GABRR1: variants seen among roughly 807,000 people sequenced by gnomAD.
The protein encoded by GABRR1 is gamma-aminobutyric acid receptor subunit rho-1.
Under a neutral mutation model 55.5 loss-of-function variants are expected in GABRR1, and 59 were observed. The observed-to-expected ratio is 1.06, with a 90% confidence interval of 0.86 to 1.32. GABRR1 has a LOEUF of 1.32. Ranked by LOEUF, GABRR1 falls within the 40% of genes most tolerant of loss-of-function variation. The pLI is 0.00. For missense variants in GABRR1, 602 were observed against 619.1 expected, an observed-to-expected ratio of 0.97 and a Z score of 0.29; for synonymous variants, 213 against 226.0, an observed-to-expected ratio of 0.94 and a Z score of 0.51.
intron 1 of GABRR1, chr6:89,204,695 C>G (rs1377040272): frequency 1.6e-6 from 2 of 1,281,358 alleles, no homozygotes. Context: ...AGCCTCGATT[C>G]TAGCCAAGAG....
At chr6:89,230,441 G>A (rs1407016339) in intron 1 of GABRR1, among the ~76,000 whole-genome samples, 47 of 147,436 alleles carry the variant, frequency 3.2e-4, no homozygotes, top group Middle Eastern at 7.1e-3. Context: ...ATGGGTTTTC[G>A]GTGTGGATGT....
At chr6:89,204,822 GAGA>G (rs538579201) in intron 1 of GABRR1, 5 of 288,090 alleles carry the variant, frequency 1.7e-5, no homozygotes, top group Non-Finnish European at 3.1e-5. Flanking sequence ...AATCATAAAG[GAGA>G]AGATGAATAT....
At position 89,199,345 on chromosome 6, in the gene GABRR1, G is replaced by C; in HGVS notation, c.348+17C>G. The C allele has an allele frequency of 6.2e-7, 1 of 1,612,136 alleles. No homozygotes were observed. Among genetic ancestry groups the C allele is most frequent in the Non-Finnish European group, 8.5e-7 (1 of 1,178,534 alleles). ...TGTGAATCCCCCTGCCACGGCCCTG[G>C]TCAGAGAAGCACTTACCATGTCAAC... On this transcript the variant is annotated intron_variant, in intron 4 of 9. Transcript: ENST00000454853.
intron 5 of GABRR1, among the ~76,000 whole-genome samples, chr6:89,195,796 G>GT (rs1772249307): frequency 6.6e-6 from 1 of 152,260 alleles, no homozygotes; most frequent in African/African-American, 2.4e-5. Context: ...CTGCATAATG[G>GT]TGTGCTGCCA....
chr6:89,187,207 G>A (rs1771931054), intron 6 of GABRR1, among the ~76,000 whole-genome samples: 1 of 151,506 alleles, frequency 6.6e-6, no homozygotes, highest in African/African-American at 2.4e-5. Flanking sequence ...GGTTTCTGGG[G>A]GGTGTGTGTG....
At chr6:89,228,696 A>G (rs1202381661) in intron 1 of GABRR1, among the ~76,000 whole-genome samples, 2 of 135,792 alleles carry the variant, frequency 1.5e-5, no homozygotes, top group South Asian at 2.5e-4. Context: ...TATGTGGTCA[A>G]TTTTGGAATA....
intron 5 of GABRR1, among the ~76,000 whole-genome samples, chr6:89,191,126 G>C (rs1772071648): frequency 6.6e-6 from 1 of 152,230 alleles, no homozygotes; most frequent in South Asian, 2.1e-4. Context: ...TCAAGGAAAA[G>C]AACATTCTTG....
upstream of GABRR1, among the ~76,000 whole-genome samples, chr6:89,218,087 A>G (rs1371410062): frequency 6.6e-6 from 1 of 152,158 alleles, no homozygotes. Flanking sequence ...GCTTACTTTA[A>G]GACTCTGCTA....
chr6:89,194,402 A>G (rs1772196856), intron 5 of GABRR1, among the ~76,000 whole-genome samples: 1 of 152,184 alleles, frequency 6.6e-6, no homozygotes, highest in South Asian at 2.1e-4. Context: ...CGACAGATTC[A>G]CTAAGCAAAT....
At chr6:89,186,265 ACAAT>A (rs1771897887) in intron 6 of GABRR1, among the ~76,000 whole-genome samples, 1 of 152,202 alleles carries the variant, frequency 6.6e-6, no homozygotes, top group Non-Finnish European at 1.5e-5. Context: ...ACCCAATTAT[ACAAT>A]CAAACACTAA....
At chr6:89,200,303 C>T (rs1047024190) in intron 3 of GABRR1, among the ~76,000 whole-genome samples, 1 of 121,736 alleles carries the variant, frequency 8.2e-6, no homozygotes, top group Non-Finnish European at 1.6e-5. Flanking sequence ...GGCTGGAGTA[C>T]AGTGGTGTGA....
chr6:89,184,433 G>A (rs1254960909), intron 7 of GABRR1, among the ~76,000 whole-genome samples: 1 of 152,034 alleles, frequency 6.6e-6, no homozygotes, highest in Non-Finnish European at 1.5e-5. Context: ...CAACAGGAGG[G>A]GGTGAGCCTG....
chr6:89,217,125 G>T, intron 1 of GABRR1, 76 bp downstream of exon 1: 1 of 1,515,586 alleles, frequency 6.6e-7, no homozygotes. Context: ...ATGATGCTCA[G>T]TTTCTAGAAG....
At chr6:89,183,410 A>G (rs1039213488) in intron 7 of GABRR1, among the ~76,000 whole-genome samples, 4 of 152,202 alleles carry the variant, frequency 2.6e-5, no homozygotes, top group African/African-American at 9.6e-5. Flanking sequence ...GCTGGGTTGT[A>G]GTGCTATGTT....
chr6:89,215,598 G>A (rs748205821), intron 1 of GABRR1, among the ~76,000 whole-genome samples: 3 of 152,124 alleles, frequency 2.0e-5, no homozygotes, highest in Non-Finnish European at 4.4e-5. Context: ...AGTTTTTTGA[G>A]ACATATTGCA....
chr6:89,179,513 C>T (rs539600916), intron 9 of GABRR1, among the ~76,000 whole-genome samples: 4 of 152,338 alleles, frequency 2.6e-5, no homozygotes, highest in Admixed American at 2.6e-4. Flanking sequence ...AGCCACTGTG[C>T]CCAGCCTGGT....
At chr6:89,182,510 G>T (rs752415907) in intron 7 of GABRR1, among the ~76,000 whole-genome samples, 2 of 152,052 alleles carry the variant, frequency 1.3e-5, no homozygotes, top group Non-Finnish European at 2.9e-5. Context: ...GGCTGGTCTC[G>T]AACTCCTGGC....
chr6:89,208,398 T>G lies in GABRR1; in HGVS notation c.123-4913A>C, dbSNP rs185391472. On this transcript the variant is annotated intron_variant, in intron 1 of 9. Transcript: ENST00000454853. Reference sequence around the variant, plus strand: ...ACTGTGCTTTTCAAATTATGTTCTCTAAAATGTGTGATGGTTAATTCTATG... The same window carrying G: ...ACTGTGCTTTTCAAATTATGTTCTCGAAAATGTGTGATGGTTAATTCTATG... 3.4e-3 allele frequency among the ~76,000 whole-genome samples: 522 copies of G among 152,358 alleles called. 1 individual carries two copies. The highest frequency in any genetic ancestry group is 6.1e-3 in the Non-Finnish European group (417 of 68,038).
rs770756923 is a variant in GABRR1, at chr6:89,179,080, C to T, written c.1147-17G>A. ...GCAGGGAAGCTGCAAACAGTAAACA[C>T]ATGTTGGGGTGTGAGCTCAGCATCA... On this transcript the variant is annotated splice_polypyrimidine_tract_variant and intron_variant, in intron 9 of 9. Coordinates refer to ENST00000454853, the MANE Select transcript of GABRR1 (RefSeq NM_002042.5). 6.2e-7 allele frequency: 1 copy of T among 1,609,078 alleles called. No homozygotes were observed. The highest frequency in any genetic ancestry group is 1.1e-5 in the South Asian group (1 of 90,920).
Sources: gnomAD v4.1 joint callset for allele counts (sites outside exome capture counted in the v4.1 genomes callset) on GRCh38, gnomAD v4.1.1 for gene constraint, MANE v1.5 for transcripts, NCBI Gene and HGNC (gene_info 2026-07-23, HGNC 2026-07-21) for gene names.